FUNDC2: variants seen among roughly 807,000 people sequenced by gnomAD.
The protein encoded by FUNDC2 is FUN14 domain containing 2.
FUNDC2 carries 4 observed loss-of-function variants against 15.6 expected under a neutral mutation model. The ratio of observed to expected loss-of-function variants is 0.26; its 90% CI spans 0.13 to 0.59. FUNDC2 has a LOEUF of 0.59. FUNDC2 is among the 20% of genes least tolerant of loss of function. FUNDC2 has a pLI of 0.90. For synonymous variants in FUNDC2, 44 were observed against 56.9 expected (o/e 0.77, Z 1.02); for missense variants, 98 against 149.7 (o/e 0.65, Z 1.80).
intron 2 of FUNDC2, among the ~76,000 whole-genome samples, chrX:155,040,528 A>G (rs1326700744): frequency 8.0e-5 from 9 of 112,242 alleles, no homozygotes; most frequent in African/African-American, 1.3e-4. Flanking sequence ...ATTCCTTTTT[A>G]TAGCTCAATA....
Position 155,033,501 on chromosome X carries a change from G to A in FUNDC2, c.232G>A (p.Ala78Thr). 8.3e-7 allele frequency: 1 copy of A among 1,211,693 alleles called. No individual in the cohort carries two copies. Among genetic ancestry groups the A allele is most frequent in the Admixed American group, 2.2e-5 (1 of 46,104 alleles). Residue 78 changes from alanine (A) to threonine (T), a missense_variant, in exon 2 of 5, where the codon GCA becomes ACA. Coordinates refer to ENST00000369498, the MANE Select transcript of FUNDC2 (RefSeq NM_023934.4). Reference sequence around the variant, plus strand: ...GTTCGGGCAGGAATCTGGACCTTCAGCAGAAAAGTATAGCGTGGCAACCCA... The same window carrying A: ...GTTCGGGCAGGAATCTGGACCTTCAACAGAAAAGTATAGCGTGGCAACCCA... ...KLFGQESGPS[A>T]EKYSVATQLF...
rs782355811 is a variant in FUNDC2, at chrX:155,052,812, A to G, written c.492+1011A>G. 2.7e-5 allele frequency among the ~76,000 whole-genome samples: 3 copies of G among 112,255 alleles called. 1 individual carries two copies. The South Asian group carries it at 1.1e-3, about 41-fold the overall frequency. ...TTAGGAAAGTTACATTTTTTATTTC[A>G]TGAAAACTTTATTATTCAAATGTTT... On this transcript the variant is annotated intron_variant, in intron 4 of 4. Coordinates refer to ENST00000369498, the MANE Select transcript of FUNDC2 (RefSeq NM_023934.4).
At position 155,056,214 on chromosome X, in the gene FUNDC2, A is replaced by G. The variant is rs190285737; in HGVS notation, c.*1542A>G. The G allele has an allele frequency of 4.5e-5, 5 of 112,161 alleles. No homozygotes were observed. The East Asian group carries it at 8.3e-4, about 19-fold the overall frequency. 9.2% of individuals were successfully genotyped at this position (112,161 alleles called of 1,213,427 possible). A position where few individuals can be genotyped will look rare whatever the true frequency, so the allele number is the denominator to read the frequency against. On this transcript the variant is annotated 3_prime_UTR_variant, in exon 5 of 5. Transcript: ENST00000369498. Reference sequence around the variant, plus strand: ...AGTACAATAATCCCCCTGTGTATCTATCACTCACTCACAACAATCATCAAA... The same window carrying G: ...AGTACAATAATCCCCCTGTGTATCTGTCACTCACTCACAACAATCATCAAA...
At chrX:155,054,559 A>G (rs782033610) in intron 4 of FUNDC2, 36 bp from the exon 5 acceptor site, 9 of 1,207,387 alleles carry the variant, frequency 7.5e-6, no homozygotes, top group Admixed American at 6.6e-5. Context: ...TAACATCCTT[A>G]GCAAAACAAC....
intron 2 of FUNDC2, among the ~76,000 whole-genome samples, chrX:155,043,437 G>T (rs1210096416): frequency 9.0e-6 from 1 of 111,404 alleles, no homozygotes; most frequent in Admixed American, 9.5e-5. Flanking sequence ...TTGCAAGCCT[G>T]GTAGTTTTTA....
chrX:155,027,234 C>G, intron 1 of FUNDC2, 163 bp downstream of exon 1: 2 of 517,783 alleles, frequency 3.9e-6, no homozygotes, highest in Non-Finnish European at 2.7e-6. Flanking sequence ...CTCAGCCGCT[C>G]CCAGGGTCCG....
At chrX:155,028,657 T>C (rs188805798) in intron 1 of FUNDC2, among the ~76,000 whole-genome samples, 187 of 111,646 alleles carry the variant, frequency 1.7e-3, no homozygotes, top group Middle Eastern at 4.6e-3. Context: ...CACAAATATA[T>C]AGTAGTTCTA....
At chrX:155,028,118 G>GACTTTTATAAGA (rs1557288459) in intron 1 of FUNDC2, among the ~76,000 whole-genome samples, 27 of 111,377 alleles carry the variant, frequency 2.4e-4, no homozygotes, top group African/African-American at 6.9e-4. Context: ...TGCTCTTATA[G>GACTTTTATAAGA]GTTGATCAGG....
At chrX:155,035,180 A>G (rs1163983108) in intron 2 of FUNDC2, among the ~76,000 whole-genome samples, 1 of 111,334 alleles carries the variant, frequency 9.0e-6, no homozygotes, top group African/African-American at 3.3e-5. Context: ...TAGATTTATT[A>G]TCCACCTGGA....
Position 155,058,647 on chromosome X carries a change from C to G in FUNDC2, c.*3975C>G, listed in dbSNP as rs2073917051. Reference sequence around the variant, plus strand: ...AAATCTAGTATGATTTCTCAGAAATCAGGCCCAGAACTAAAATACATTTTC... The same window carrying G: ...AAATCTAGTATGATTTCTCAGAAATGAGGCCCAGAACTAAAATACATTTTC... On this transcript the variant is annotated 3_prime_UTR_variant, in exon 5 of 5. Coordinates refer to ENST00000369498, the MANE Select transcript of FUNDC2 (RefSeq NM_023934.4). The G allele has an allele frequency of 1.8e-5, 2 of 110,021 alleles. No individual in the cohort carries two copies. Among genetic ancestry groups the G allele is most frequent in the African/African-American group, 6.6e-5 (2 of 30,136 alleles). The allele number at this position is 110,021 out of a possible 1,213,427, so 9.1% of individuals were successfully genotyped here.
chrX:155,039,238 G>A (rs1557289373), intron 2 of FUNDC2, among the ~76,000 whole-genome samples: 1 of 111,966 alleles, frequency 8.9e-6, no homozygotes, highest in South Asian at 3.7e-4. Context: ...TTAATCCCTT[G>A]TATATCTTTT....
intron 4 of FUNDC2, chrX:155,054,078 A>G: frequency 1.3e-6 from 1 of 753,489 alleles, no homozygotes. Context: ...AAGTGTGAGA[A>G]TGAGAATTTA....
At chrX:155,030,512 A>G (rs1307091001) in intron 1 of FUNDC2, among the ~76,000 whole-genome samples, 4 of 110,686 alleles carry the variant, frequency 3.6e-5, no homozygotes, top group African/African-American at 1.3e-4. Flanking sequence ...CTGCACTCCA[A>G]TGTGGGTGAT....
chrX:155,047,967 C>T (rs1289967588), intron 3 of FUNDC2, among the ~76,000 whole-genome samples: 2 of 111,420 alleles, frequency 1.8e-5, no homozygotes, highest in Non-Finnish European at 3.8e-5. Context: ...TCACACCTCT[C>T]TCTCCTTCCC....
intron 1 of FUNDC2, among the ~76,000 whole-genome samples, chrX:155,031,018 C>G (rs2073813387): frequency 9.0e-6 from 1 of 111,170 alleles, no homozygotes; most frequent in Admixed American, 9.6e-5. Flanking sequence ...TGATTTTTTT[C>G]TTTGATTTTA....
At chrX:155,045,601 C>T (rs1325994536) in intron 2 of FUNDC2, among the ~76,000 whole-genome samples, 1 of 111,638 alleles carries the variant, frequency 9.0e-6, no homozygotes, top group Non-Finnish European at 1.9e-5. Context: ...CAGTGGTAAC[C>T]TTGATAGGAA....
intron 2 of FUNDC2, among the ~76,000 whole-genome samples, chrX:155,037,596 G>A (rs1347278402): frequency 1.8e-5 from 2 of 110,379 alleles, no homozygotes; most frequent in African/African-American, 3.3e-5. Flanking sequence ...CAATTCTCTC[G>A]CCTCAGCCTC....
rs781842493 is a variant in FUNDC2, at chrX:155,027,028, G to A, written c.90G>A (p.Val30=). 4.3e-5 allele frequency: 51 copies of A among 1,197,124 alleles called. No homozygotes were observed. The African/African-American group carries it at 8.6e-4, about 20-fold the overall frequency. The part of the protein sequence containing the change: ...SAAYRADPLR[V]SSRDKLTEMA... ...CCTACCGCGCAGATCCTCTACGTGT[G>A]TCCTCGCGAGACAAGCTCACCGAAA... Residue 30 remains valine, a synonymous_variant, in exon 1 of 5, where the codon GTG becomes GTA. Coordinates refer to ENST00000369498, the MANE Select transcript of FUNDC2 (RefSeq NM_023934.4).
chrX:155,033,384 A>G lies in FUNDC2; in HGVS notation c.134-19A>G. On this transcript the variant is annotated intron_variant, in intron 1 of 4. Coordinates refer to ENST00000369498, the MANE Select transcript of FUNDC2 (RefSeq NM_023934.4). ...TATAAAAGTAAATATTTTCTTATTT[A>G]ACGTATTACTTCTTGTAGGAAACTT... The G allele has an allele frequency of 8.6e-7, 1 of 1,166,992 alleles. No individual in the cohort carries two copies. Among genetic ancestry groups the G allele is most frequent in the Non-Finnish European group, 1.2e-6 (1 of 858,494 alleles).
Sources: allele counts gnomAD v4.1 joint callset (sites outside exome capture counted in the v4.1 genomes callset), GRCh38; gene constraint gnomAD v4.1.1; transcripts MANE v1.5; gene names NCBI Gene and HGNC (gene_info 2026-07-23, HGNC 2026-07-21).